The following PWWP2A variants were observed in gnomAD, a reference collection of about 807,000 sequenced individuals.
The protein encoded by PWWP2A is PWWP domain containing 2A.
Under a neutral mutation model 48.5 loss-of-function variants are expected in PWWP2A, and 18 were observed. The observed-to-expected ratio is 0.37, with a 90% CI of 0.26 to 0.55. The LOEUF is 0.55. PWWP2A is among the 20% of genes least tolerant of loss of function. The pLI, the probability that PWWP2A is intolerant of heterozygous loss-of-function variation, is 0.81. For missense variants in PWWP2A, 867 were observed against 976.4 expected (o/e 0.89, Z 1.49); for synonymous variants, 396 against 387.7 (o/e 1.02, Z -0.25).
At chr5:160,071,204 C>T (rs191357261), downstream of PWWP2A, among the ~76,000 whole-genome samples, 15 of 152,156 alleles carry the variant, frequency 9.9e-5, no homozygotes, top group East Asian at 2.9e-3. Flanking sequence ...GAGATGTTGC[C>T]GGGCTTAGTA....
intron 1 of PWWP2A, 72 bp downstream of exon 1, chr5:160,118,733 A>AG (rs1758400860): frequency 7.6e-7 from 1 of 1,314,248 alleles, no homozygotes; most frequent in South Asian, 2.0e-5. Flanking sequence ...GCTCGGGGAG[A>AG]GGGGGCCGCC....
At chr5:160,097,865 G>C (rs1339993993) in intron 1 of PWWP2A, among the ~76,000 whole-genome samples, 1 of 151,646 alleles carries the variant, frequency 6.6e-6, no homozygotes, top group Non-Finnish European at 1.5e-5. Flanking sequence ...ACAGACGCGA[G>C]CCATCACGCC....
At position 160,101,460 on chromosome 5, in the gene PWWP2A, A is replaced by G. The variant is rs535484028; in HGVS notation, c.585-7395T>C. The stretch of plus-strand genomic sequence containing the variant: ...GAATCCACTTACATGAAAAGTATCT[A>G]AAGTAGTCAAATTCACAGAAGCAGA... On this transcript the variant is annotated intron_variant, in intron 1 of 1. Transcript: ENST00000307063. Among the ~76,000 whole-genome samples the G allele has an allele frequency of 2.6e-5, 4 of 152,348 alleles. No homozygotes were observed. The East Asian group carries it at 7.7e-4, about 29-fold the overall frequency.
chr5:160,108,371 T>G (rs1445739957), intron 1 of PWWP2A, among the ~76,000 whole-genome samples: 1 of 152,236 alleles, frequency 6.6e-6, no homozygotes, highest in African/African-American at 2.4e-5. Context: ...GGCACTTGCC[T>G]CTTCTCTGTT....
downstream of PWWP2A, among the ~76,000 whole-genome samples, chr5:160,071,391 G>A (rs759904375): frequency 9.2e-5 from 14 of 152,204 alleles, no homozygotes; most frequent in South Asian, 8.3e-4. Context: ...GGCGGCAGGC[G>A]GCAGATGTAA....
At chr5:160,099,465 T>C (rs554209561) in intron 1 of PWWP2A, among the ~76,000 whole-genome samples, 211 of 152,184 alleles carry the variant, frequency 1.4e-3, no homozygotes, top group African/African-American at 4.7e-3. Context: ...AATAAAACTT[T>C]CTGTGAATCT....
chr5:160,045,493 CA>C, the PWWP2A span, among the ~76,000 whole-genome samples: 1 of 117,048 alleles, frequency 8.5e-6, no homozygotes, highest in African/African-American at 3.3e-5. Context: ...CACACACACA[CA>C]CACACACACA....
rs1424737727 is a variant in PWWP2A, at chr5:160,092,681, C to G, written c.1969G>C (p.Asp657His). The change falls in exon 2 of 2, where the codon GAC becomes CAC. Residue 657 changes from aspartate to histidine, a missense_variant. By Grantham distance (81) the Asp-to-His change is moderately conservative (BLOSUM62 -1). Transcript: ENST00000307063. ...CCATATATCTTGGCCCAAACAATGT[C>G]CCCTACACATATGGTCCTGCCATCT... ...TPDGRTICVG[D>H]IVWAKIYGFP... 1 of 1,551,670 alleles carries G rather than the reference C, an allele frequency of 6.4e-7. No individual in the cohort carries two copies. Among genetic ancestry groups the G allele is most frequent in the Non-Finnish European group, 8.7e-7 (1 of 1,146,982 alleles).
rs1401531417 is a variant in PWWP2A at position 160,114,448 on chromosome 5, G to GA, written c.584+4356dup. Among the ~76,000 whole-genome samples, 8 of 147,992 alleles carry GA rather than the reference G, an allele frequency of 5.4e-5. No homozygotes were observed. In the Admixed American group the frequency reaches 5.5e-4, roughly 10 times the overall value. ...TGCACTCCAGCCTGGGTGACAGAGC[G>GA]AGACTGTCTCAAAAAAAAGAAAAAG... On this transcript the variant is annotated intron_variant, in intron 1 of 1. Transcript: ENST00000307063.
the PWWP2A span, among the ~76,000 whole-genome samples, chr5:160,047,842 A>C: frequency 6.6e-6 from 1 of 152,110 alleles, no homozygotes; most frequent in Non-Finnish European, 1.5e-5. Flanking sequence ...CACTTTCTGA[A>C]GTTACCTCAT....
At chr5:160,089,510 C>A, downstream of PWWP2A, 1 of 1,273,368 alleles carries the variant, frequency 7.9e-7, no homozygotes, top group East Asian at 5.7e-5. Flanking sequence ...CCGCACCTGG[C>A]CTCTCACAGA....
chr5:160,099,805 G>A (rs997441692), intron 1 of PWWP2A, among the ~76,000 whole-genome samples: 17 of 151,554 alleles, frequency 1.1e-4, no homozygotes, highest in South Asian at 4.2e-4. Context: ...GGCCTCCCAA[G>A]TGGGTGTGTG....
In PWWP2A at chr5:160,093,580, C is replaced by T. The variant is rs753122757; in HGVS notation, c.1070G>A (p.Ser357Asn). The change falls in exon 2 of 2, where the codon AGT becomes AAT. Residue 357 changes from serine (S) to asparagine (N), a missense_variant. Ser to Asn is a conservative substitution (Grantham distance 46, BLOSUM62 1). Around this residue, in one of 4 missense-constraint regions of PWWP2A, gnomAD observed 382 missense variants for 407.2 expected, o/e 0.94. Transcript: ENST00000307063. The surrounding 1 kb of genome is among the most constrained non-coding windows in gnomAD (Gnocchi z 5.8). ...KYEDKKRRNE[S>N]VTTVNKKLKT... ...CAGTTTTTTGTTCACAGTAGTTACACTTTCATTTCTCCGTTTTTTATCTTC... is the reference window on the plus strand; with the variant it reads ...CAGTTTTTTGTTCACAGTAGTTACATTTTCATTTCTCCGTTTTTTATCTTC... The T allele has an allele frequency of 4.3e-6, 7 of 1,613,400 alleles. No individual in the cohort carries two copies. The Admixed American group carries it at 5.0e-5, about 12-fold the overall frequency.
At position 160,105,255 on chromosome 5, in the gene PWWP2A, A is replaced by C. The variant is rs967941543; in HGVS notation, c.585-11190T>G. Among the ~76,000 whole-genome samples, 113 of 150,392 alleles carry C rather than the reference A, an allele frequency of 7.5e-4. 1 individual carries two copies. The highest frequency in any genetic ancestry group is 2.6e-3 in the African/African-American group (109 of 41,190). On this transcript the variant is annotated intron_variant, in intron 1 of 1. Transcript: ENST00000307063. ...TCTCTAAGGCAAAAAAAAAAAAAAA[A>C]AAAAAAAAACAGGCTGGGCGCGGTG... is the stretch of plus-strand genomic sequence containing the variant.
At chr5:160,064,948 T>C in intron 4 of PWWP2A, 2 of 1,611,538 alleles carry the variant, frequency 1.2e-6, no homozygotes, top group Non-Finnish European at 1.7e-6. Context: ...TAAAAGATCT[T>C]GGGAACTTGG....
the PWWP2A span, among the ~76,000 whole-genome samples, chr5:160,045,520 A>ACACACACACACACACT: frequency 3.6e-5 from 2 of 54,904 alleles, no homozygotes; most frequent in Non-Finnish European, 3.3e-5. Context: ...ACACATACAC[A>ACACACACACACACACT]CTCTCTCTCT....
chr5:160,117,892 G>A (rs1758300054), intron 1 of PWWP2A: 1 of 984,440 alleles, frequency 1.0e-6, no homozygotes, highest in African/African-American at 1.7e-5. Flanking sequence ...AAACAGAATG[G>A]AAAGCCGTGA....
In PWWP2A at chr5:160,119,307, C is replaced by A; in HGVS notation, c.82G>T (p.Glu28Ter). 1.4e-6 allele frequency: 2 copies of A among 1,388,626 alleles called. No homozygotes were observed. Among genetic ancestry groups the A allele is most frequent in the Non-Finnish European group, 1.9e-6 (2 of 1,077,914 alleles). The allele number at this position is 1,388,626 out of a possible 1,614,324, so 86.0% of individuals were successfully genotyped here. Residue 28 changes from glutamate (E) to a stop codon, truncating the protein, a stop_gained, in exon 1 of 2, where the codon GAG (glutamate) becomes TAG (stop). Transcript: ENST00000307063. LOFTEE classifies it high-confidence loss of function. ...GGAGEAEPEM[E>*]PIPGSEAGTD... ...CCGGCCTCACTGCCGGGGATGGGCT[C>A]CATCTCCGGCTCGGCCTCGCCGGCG... is the stretch of plus-strand genomic sequence containing the variant.
intron 2 of PWWP2A, among the ~76,000 whole-genome samples, chr5:160,085,710 T>C (rs896048201): frequency 1.3e-5 from 2 of 152,094 alleles, no homozygotes; most frequent in Non-Finnish European, 2.9e-5. Flanking sequence ...TTTCACCACG[T>C]TGGTCATGCT....
Sources: allele counts gnomAD v4.1 joint callset (sites outside exome capture counted in the v4.1 genomes callset), GRCh38; gene constraint gnomAD v4.1.1; regional missense constraint gnomAD v4.1.1; non-coding constraint Gnocchi (gnomAD v3.1); transcripts MANE v1.5; gene names NCBI Gene and HGNC (gene_info 2026-07-23, HGNC 2026-07-21).